Variants in AGPAT3 observed in about 807,000 individuals in gnomAD.
AGPAT3 encodes the protein 1-acyl-sn-glycerol-3-phosphate acyltransferase gamma.
A neutral mutation model predicts 47.3 loss-of-function variants in AGPAT3; 5 were observed. The observed-to-expected ratio is 0.11, with a 90% CI of 0.06 to 0.22. AGPAT3 has a LOEUF of 0.22. Ranked by LOEUF, AGPAT3 falls within the 10% of genes least tolerant of loss-of-function variation. The pLI is 1.00. For synonymous variants in AGPAT3, 212 were observed against 208.3 expected (o/e 1.02, Z -0.15); for missense variants, 315 against 493.0 (o/e 0.64, Z 3.42).
chr21:43,985,512 G>T lies in AGPAT3; in HGVS notation c.*3120G>T, dbSNP rs983972819. 9.9e-6 allele frequency: 3 copies of T among 302,960 alleles called. No homozygotes were observed. Among genetic ancestry groups the T allele is most frequent in the African/African-American group, 6.6e-5 (3 of 45,326 alleles). The allele number at this position is 302,960 out of a possible 1,614,324, so 18.8% of individuals were successfully genotyped here. On this transcript the variant is annotated 3_prime_UTR_variant, in exon 10 of 10. Coordinates refer to ENST00000291572, the MANE Select transcript of AGPAT3 (RefSeq NM_020132.5). ...AATCTTTCCTCACGCTGTTCGTTGC[G>T]GTATTGCTGAGCATTGATGTTGATT... is the stretch of plus-strand genomic sequence containing the variant.
chr21:43,928,334 A>AAT (rs2087125800), intron 2 of AGPAT3, among the ~76,000 whole-genome samples: 1 of 152,210 alleles, frequency 6.6e-6, no homozygotes, highest in Non-Finnish European at 1.5e-5. Context: ...AGCGTTAAGG[A>AAT]ATATACACAC....
chr21:43,956,526 G>T (rs1449030687), intron 2 of AGPAT3, among the ~76,000 whole-genome samples: 1 of 152,180 alleles, frequency 6.6e-6, no homozygotes, highest in Non-Finnish European at 1.5e-5. Flanking sequence ...TGTTTTTGTT[G>T]CCCCCTTGTC....
At position 43,932,896 on chromosome 21, in the gene AGPAT3, C is replaced by T. The variant is rs1291031883; in HGVS notation, c.-48-26738C>T. 4.6e-5 allele frequency among the ~76,000 whole-genome samples: 7 copies of T among 152,144 alleles called. No homozygotes were observed. The highest frequency in any genetic ancestry group is 1.9e-4 in the East Asian group (1 of 5,178). ...AACTCCTGACCTCAAGTGATCCACC[C>T]GCCTTGGCCTCCCAAAGTGCTGGGA... On this transcript the variant is annotated intron_variant, in intron 2 of 9. Coordinates refer to ENST00000291572, the MANE Select transcript of AGPAT3 (RefSeq NM_020132.5). The surrounding 1 kb of genome is among the most constrained non-coding windows in gnomAD (Gnocchi z 5.2).
Position 43,880,833 on chromosome 21 carries a change from C to T in AGPAT3, c.-112+15488C>T, listed in dbSNP as rs2085840030. On this transcript the variant is annotated intron_variant, in intron 1 of 9. Coordinates refer to ENST00000291572, the MANE Select transcript of AGPAT3 (RefSeq NM_020132.5). The surrounding 1 kb of genome is among the most constrained non-coding windows in gnomAD (Gnocchi z 4.5). ...CTGAGTGATGGTCCCTGGACATTTC[C>T]AGTCGACTGTGTTTGACATGGTGGT... 6.6e-6 allele frequency among the ~76,000 whole-genome samples: 1 copy of T among 152,170 alleles called. No homozygotes were observed. The highest frequency in any genetic ancestry group is 2.4e-5 in the African/African-American group (1 of 41,424).
chr21:43,949,297 G>T (rs1015703590), intron 2 of AGPAT3, among the ~76,000 whole-genome samples: 4 of 152,218 alleles, frequency 2.6e-5, no homozygotes, highest in African/African-American at 7.2e-5. Flanking sequence ...TCAGCAATTT[G>T]GGTTGGGCTC....
At chr21:43,928,314 A>G (rs149590198) in intron 2 of AGPAT3, among the ~76,000 whole-genome samples, 6 of 152,306 alleles carry the variant, frequency 3.9e-5, no homozygotes, top group Admixed American at 6.5e-5. Flanking sequence ...CTGCTCAGAA[A>G]CGCTGACACA....
intron 2 of AGPAT3, among the ~76,000 whole-genome samples, chr21:43,912,600 T>C (rs2086651687): frequency 1.3e-5 from 2 of 152,264 alleles, no homozygotes; most frequent in South Asian, 4.1e-4. Flanking sequence ...CCTACTTCTT[T>C]CTTAATCAGT....
intron 7 of AGPAT3, among the ~76,000 whole-genome samples, chr21:43,974,592 GGT>G (rs985259409): frequency 6.6e-5 from 10 of 150,598 alleles, no homozygotes; most frequent in Middle Eastern, 3.4e-3. Context: ...TCGTGAGGGT[GGT>G]GTGTGTGTGG....
At chr21:43,916,201 G>C (rs530753526) in intron 2 of AGPAT3, 6 of 152,292 alleles carry the variant, frequency 3.9e-5, no homozygotes, top group South Asian at 4.1e-4. Flanking sequence ...AAAAAGAAAG[G>C]TGTGTTCTCT....
intron 3 of AGPAT3, among the ~76,000 whole-genome samples, chr21:43,962,302 A>T (rs755729416): frequency 7.9e-5 from 12 of 152,026 alleles, no homozygotes; most frequent in Non-Finnish European, 1.5e-4. Context: ...GCGCCCGGCC[A>T]GTTTGTTTCC....
chr21:43,879,829 A>G (rs1263822382), intron 1 of AGPAT3, among the ~76,000 whole-genome samples: 3 of 152,154 alleles, frequency 2.0e-5, no homozygotes, highest in African/African-American at 7.2e-5. Context: ...AAAGCAGAGC[A>G]ATCTAGAAGC....
At chr21:43,868,720 C>G (rs2085561244) in intron 1 of AGPAT3, among the ~76,000 whole-genome samples, 1 of 152,170 alleles carries the variant, frequency 6.6e-6, no homozygotes, top group Admixed American at 6.5e-5. Flanking sequence ...TTGTTCTCTT[C>G]CTCATGTCCT....
intron 2 of AGPAT3, chr21:43,916,278 C>T (rs539222899): frequency 1.2e-4 from 18 of 152,282 alleles, no homozygotes; most frequent in Non-Finnish European, 2.5e-4. Context: ...GTTTATATGT[C>T]TGACAGCCTT....
Position 43,932,347 on chromosome 21 carries a change from A to G in AGPAT3, c.-48-27287A>G, listed in dbSNP as rs1341831340. On this transcript the variant is annotated intron_variant, in intron 2 of 9. Transcript: ENST00000291572. This position sits in a 1 kb window ranked among gnomAD's most constrained non-coding sequence, Gnocchi z 5.2. ...CCGTTTCCGATTCCTCGTGTGAGTGAGGTCGTGCAGGACTTGTCGTTCTGT... is the reference window on the plus strand; with the variant it reads ...CCGTTTCCGATTCCTCGTGTGAGTGGGGTCGTGCAGGACTTGTCGTTCTGT... 6.6e-6 allele frequency among the ~76,000 whole-genome samples: 1 copy of G among 152,124 alleles called. No individual in the cohort carries two copies. The highest frequency in any genetic ancestry group is 2.4e-5 in the African/African-American group (1 of 41,418).
At chr21:43,957,985 A>G (rs2088575341) in intron 2 of AGPAT3, among the ~76,000 whole-genome samples, 1 of 152,244 alleles carries the variant, frequency 6.6e-6, no homozygotes, top group Non-Finnish European at 1.5e-5. Context: ...GCAGGAAACC[A>G]GAACAGAAAT....
At chr21:43,892,830 T>G (rs964067633) in intron 1 of AGPAT3, among the ~76,000 whole-genome samples, 1 of 152,222 alleles carries the variant, frequency 6.6e-6, no homozygotes, top group African/African-American at 2.4e-5. Flanking sequence ...GGCTCACAGC[T>G]GTAATCTCAG....
At chr21:43,865,510 GGGCGCGGGGCCTGGGAA>G (rs940216738) in intron 1 of AGPAT3, among the ~76,000 whole-genome samples, 165 bp downstream of exon 1, 16 of 147,662 alleles carry the variant, frequency 1.1e-4, no homozygotes, top group African/African-American at 3.9e-4. Context: ...GCGCTCCGCG[GGGCGCGGGGCCTGGGAA>G]GGCGCGGGGC....
intron 8 of AGPAT3, among the ~76,000 whole-genome samples, chr21:43,980,276 A>C (rs2089795128): frequency 8.0e-6 from 1 of 124,858 alleles, no homozygotes; most frequent in Admixed American, 7.6e-5. Flanking sequence ...ACTCCATCTC[A>C]AAAAAAAAAA....
At chr21:43,961,925 C>T (rs991648185) in intron 3 of AGPAT3, among the ~76,000 whole-genome samples, 1 of 152,090 alleles carries the variant, frequency 6.6e-6, no homozygotes, top group African/African-American at 2.4e-5. Flanking sequence ...CCACTGTCTG[C>T]AGAGAGACTA....
Sources: gnomAD v4.1 joint callset for allele counts (sites outside exome capture counted in the v4.1 genomes callset) on GRCh38, gnomAD v4.1.1 for gene constraint, Gnocchi (gnomAD v3.1) non-coding constraint, MANE v1.5 for transcripts, NCBI Gene and HGNC (gene_info 2026-07-23, HGNC 2026-07-21) for gene names.